COL5A2: variants seen among roughly 807,000 people sequenced by gnomAD.
COL5A2 encodes collagen type V alpha 2 chain.
A neutral mutation model predicts 208.2 loss-of-function variants in COL5A2; 23 were observed. The observed-to-expected ratio is 0.11, with a 90% confidence interval of 0.08 to 0.16. The LOEUF (loss-of-function observed/expected upper bound fraction) is 0.16. COL5A2 is among the 10% of genes least tolerant of loss of function. The pLI, the probability that COL5A2 is intolerant of heterozygous loss-of-function variation, is 1.00. For missense variants in COL5A2, 1,590 were observed against 1,956.4 expected (o/e 0.81, Z 3.53); for synonymous variants, 625 against 628.5 (o/e 0.99, Z 0.08).
At chr2:189,335,424 G>A in the COL5A2 span, among the ~76,000 whole-genome samples, 1 of 152,006 alleles carries the variant, frequency 6.6e-6, no homozygotes, top group African/African-American at 2.4e-5. Context: ...GTGAAAAACA[G>A]AGCTGTCATA....
At chr2:189,283,104 G>T in the COL5A2 span, among the ~76,000 whole-genome samples, 1 of 151,990 alleles carries the variant, frequency 6.6e-6, no homozygotes, top group Non-Finnish European at 1.5e-5. Context: ...AATATGAAGG[G>T]ATAAAGAGCT....
the COL5A2 span, among the ~76,000 whole-genome samples, chr2:189,341,405 C>A: frequency 8.9e-3 from 1,350 of 152,142 alleles, 13 homozygotes; most frequent in Non-Finnish European, 0.014. Flanking sequence ...CCAAAAGCAT[C>A]AAAAATATGA....
chr2:189,135,464 A>G (rs1687809926), intron 1 of COL5A2, among the ~76,000 whole-genome samples: 1 of 152,216 alleles, frequency 6.6e-6, no homozygotes, highest in East Asian at 1.9e-4. Context: ...GAAGTACTGC[A>G]ATGATTTCTG....
chr2:189,244,865 T>C, the COL5A2 span, among the ~76,000 whole-genome samples: 2 of 152,128 alleles, frequency 1.3e-5, no homozygotes, highest in African/African-American at 4.8e-5. Context: ...CTTATACAAG[T>C]TATAAGGGTT....
the COL5A2 span, among the ~76,000 whole-genome samples, chr2:189,440,575 A>C: frequency 6.6e-6 from 1 of 152,372 alleles, no homozygotes; most frequent in South Asian, 2.1e-4. Context: ...ACATGTGACT[A>C]TATTTGAGAC....
At chr2:189,217,760 C>G (rs1689297546) in intron 1 of COL5A2, among the ~76,000 whole-genome samples, 1 of 152,266 alleles carries the variant, frequency 6.6e-6, no homozygotes, top group South Asian at 2.1e-4. Context: ...TAGAAGCTTG[C>G]ATATCCTGTT....
At chr2:189,296,733 T>TGATA in the COL5A2 span, among the ~76,000 whole-genome samples, 1 of 152,236 alleles carries the variant, frequency 6.6e-6, no homozygotes, top group Non-Finnish European at 1.5e-5. Context: ...TTCTATAATC[T>TGATA]GATAAGACTG....
chr2:189,068,772 T>C lies in COL5A2; in HGVS notation c.1257+14A>G, dbSNP rs552621350. On this transcript the variant is annotated intron_variant, in intron 19 of 53. Coordinates refer to ENST00000374866, the MANE Select transcript of COL5A2 (RefSeq NM_000393.5). ...AGCTTTCTGGGCTGGTTCTTAAATA[T>C]GCTAGAAACTTACAGGAAGACCTGG... 1.3e-6 allele frequency: 2 copies of C among 1,584,090 alleles called. No individual in the cohort carries two copies. Among genetic ancestry groups the C allele is most frequent in the South Asian group, 2.2e-5 (2 of 90,556 alleles).
At chr2:189,150,782 A>T (rs534761128) in intron 1 of COL5A2, among the ~76,000 whole-genome samples, 6 of 152,320 alleles carry the variant, frequency 3.9e-5, no homozygotes, top group Non-Finnish European at 5.9e-5. Context: ...TATACAGAGC[A>T]TCAGAAGAGA....
At chr2:189,321,870 A>G in the COL5A2 span, among the ~76,000 whole-genome samples, 2 of 152,258 alleles carry the variant, frequency 1.3e-5, no homozygotes, top group South Asian at 2.1e-4. Context: ...TCAACAGAAT[A>G]TACATTCTTC....
chr2:189,086,398 C>T (rs1047832872), intron 9 of COL5A2, among the ~76,000 whole-genome samples: 4 of 152,128 alleles, frequency 2.6e-5, no homozygotes, highest in African/African-American at 9.7e-5. Context: ...GATTTCATAG[C>T]TTCAGAGTTG....
chr2:189,063,107 A>G (rs1686070897), intron 27 of COL5A2, 44 bp from the exon 28 acceptor site: 1 of 1,612,738 alleles, frequency 6.2e-7, no homozygotes. Context: ...TCAATTTGTC[A>G]AAAACATACC....
the COL5A2 span, among the ~76,000 whole-genome samples, chr2:189,296,450 T>C: frequency 6.6e-6 from 1 of 152,304 alleles, no homozygotes; most frequent in Non-Finnish European, 1.5e-5. Context: ...TAGTGACCAA[T>C]TTTTCTCTTA....
At chr2:189,119,650 A>G (rs573780359) in intron 1 of COL5A2, among the ~76,000 whole-genome samples, 1 of 152,194 alleles carries the variant, frequency 6.6e-6, no homozygotes, top group Admixed American at 6.5e-5. Context: ...AAGGAAAACA[A>G]TACTCTTGTC....
the COL5A2 span, among the ~76,000 whole-genome samples, chr2:189,261,297 T>C: frequency 9.8e-5 from 15 of 152,342 alleles, no homozygotes; most frequent in Admixed American, 2.0e-4. Context: ...AAAATGATTC[T>C]GATATCTACA....
At chr2:189,414,926 A>G in the COL5A2 span, among the ~76,000 whole-genome samples, 1 of 152,170 alleles carries the variant, frequency 6.6e-6, no homozygotes, top group Non-Finnish European at 1.5e-5. Flanking sequence ...TATGACAGAA[A>G]AGCAAATATC....
chr2:189,326,385 T>A, the COL5A2 span, among the ~76,000 whole-genome samples: 1 of 152,194 alleles, frequency 6.6e-6, no homozygotes, highest in South Asian at 2.1e-4. Context: ...AACAGACTTC[T>A]AAGATATTTA....
intron 1 of COL5A2, among the ~76,000 whole-genome samples, chr2:189,196,695 C>T (rs941309596): frequency 3.3e-5 from 5 of 152,190 alleles, no homozygotes; most frequent in South Asian, 2.1e-4. Flanking sequence ...TATAAATGAT[C>T]TTTGTTGATG....
At chr2:189,360,924 C>T in the COL5A2 span, among the ~76,000 whole-genome samples, 2 of 151,064 alleles carry the variant, frequency 1.3e-5, no homozygotes, top group South Asian at 4.2e-4. Context: ...CCAGCTCCAT[C>T]CAAGTCCCTG....
Sources: gnomAD v4.1 joint callset for allele counts (sites outside exome capture counted in the v4.1 genomes callset) on GRCh38, gnomAD v4.1.1 for gene constraint, MANE v1.5 for transcripts, NCBI Gene and HGNC (gene_info 2026-07-23, HGNC 2026-07-21) for gene names.